The following RGS22 variants were observed in gnomAD, a reference collection of about 807,000 sequenced individuals.
RGS22 encodes the protein regulator of G protein signaling 22.
A neutral mutation model predicts 172.9 loss-of-function variants in RGS22; 148 were observed. That is an observed-to-expected ratio of 0.86 (90% CI 0.75 to 0.98). The LOEUF is 0.98. Ranked by LOEUF, RGS22 falls within the 50% of genes least tolerant of loss-of-function variation. RGS22 has a pLI of 0.00. For synonymous variants in RGS22, 458 were observed against 480.2 expected, an observed-to-expected ratio of 0.95 and a Z score of 0.60; for missense variants, 1,347 against 1,440.8, an observed-to-expected ratio of 0.93 and a Z score of 1.05.
chr8:100,040,033 A>T lies in RGS22; in HGVS notation c.1993T>A (p.Leu665Met), dbSNP rs77926678. Residue 665 changes from leucine to methionine, a missense_variant, in exon 13 of 28, where the codon TTG (leucine) becomes ATG (methionine). Coordinates refer to ENST00000360863, the MANE Select transcript of RGS22 (RefSeq NM_015668.5). ...ALGGSDMENLLQSLYVENRAG... is the reference protein window; with the variant it reads ...ALGGSDMENLMQSLYVENRAG... ...CTATTTTCTACATACAAAGATTGCA[A>T]CAAATTTTCCATGTCAGATCCTCCC... 2.5e-4 allele frequency: 395 copies of T among 1,610,074 alleles called. No individual in the cohort carries two copies. In the African/African-American group the frequency reaches 4.3e-3, roughly 18 times the overall value.
chr8:100,045,888 G>C lies in RGS22; in HGVS notation c.1823+1575C>G, dbSNP rs569035123. On this transcript the variant is annotated intron_variant, in intron 11 of 27. Transcript: ENST00000360863. ...ATATATGAAATAGAGCAATGTATAA[G>C]AATATCCACTATAACATTGTTTGTA... Among the ~76,000 whole-genome samples, 8 of 151,636 alleles carry C rather than the reference G, an allele frequency of 5.3e-5. No homozygotes were observed. The South Asian group carries it at 1.7e-3, about 32-fold the overall frequency.
chr8:100,047,301 G>A (rs963508848), intron 11 of RGS22, among the ~76,000 whole-genome samples, 162 bp downstream of exon 11: 7 of 152,114 alleles, frequency 4.6e-5, no homozygotes, highest in Non-Finnish European at 1.0e-4. Flanking sequence ...TCCTAATTTA[G>A]AGTATTCATG....
At position 99,975,020 on chromosome 8, in the gene RGS22, C is replaced by T. The variant is rs532267137; in HGVS notation, c.3519+2897G>A. 4.8e-4 allele frequency among the ~76,000 whole-genome samples: 73 copies of T among 151,974 alleles called. 3 individuals carry two copies. In the South Asian group the frequency reaches 0.015, roughly 31 times the overall value. On this transcript the variant is annotated intron_variant, in intron 23 of 27. Transcript: ENST00000360863. ...AATTAGCCAGGCGTGGTGGTATGCA[C>T]CTTTAATCCCAGCTACTCAGGAGAT...
intron 20 of RGS22, among the ~76,000 whole-genome samples, chr8:99,994,254 G>A (rs1814100217): frequency 6.6e-6 from 1 of 152,214 alleles, no homozygotes; most frequent in Non-Finnish European, 1.5e-5. Context: ...AGTGTTGGAA[G>A]TTCTGACCAG....
intron 23 of RGS22, 89 bp downstream of exon 23, chr8:99,977,828 A>T: frequency 8.9e-7 from 1 of 1,124,250 alleles, no homozygotes; most frequent in Non-Finnish European, 1.3e-6. Flanking sequence ...ACTTCTCTCT[A>T]TATATCCCCA....
intron 11 of RGS22, among the ~76,000 whole-genome samples, chr8:100,043,040 C>A (rs1356784860): frequency 6.6e-6 from 1 of 152,160 alleles, no homozygotes. Context: ...AGGGAAAGGC[C>A]AAGAGCCTCA....
chr8:100,063,841 GA>G lies in RGS22; in HGVS notation c.926del (p.Phe309SerfsTer8), dbSNP rs755218591. The G allele has an allele frequency of 6.2e-7, 1 of 1,610,306 alleles. No individual in the cohort carries two copies. Among genetic ancestry groups the G allele is most frequent in the South Asian group, 1.1e-5 (1 of 89,880 alleles). On this transcript the variant is annotated frameshift_variant, in exon 8 of 28. Transcript: ENST00000360863. LOFTEE classifies it high-confidence loss of function. ...AGCTTAAAAATTCTTCACATGTTGA[GA>G]AATGCATTGTCAGGCTTTCATCAAC... ...QDVDESLTMH[F>X]STCEEFLSSY...
chr8:100,066,595 A>G (rs1048758699), intron 6 of RGS22, among the ~76,000 whole-genome samples: 2 of 152,096 alleles, frequency 1.3e-5, no homozygotes, highest in Admixed American at 6.5e-5. Flanking sequence ...ATGAAACCCT[A>G]CTTCCTGGAT....
At position 100,014,235 on chromosome 8, in the gene RGS22, A is replaced by C. The variant is rs191243415; in HGVS notation, c.2167-5666T>G. On this transcript the variant is annotated intron_variant, in intron 14 of 27. Transcript: ENST00000360863. ...CGACCATGTTCCTCCAGAGCCTGTA[A>C]CACCAATTATTTTCTTAGTGCCTTG... Among the ~76,000 whole-genome samples the C allele has an allele frequency of 3.8e-4, 58 of 152,330 alleles. No homozygotes were observed. In the East Asian group the frequency reaches 9.4e-3, roughly 25 times the overall value.
At chr8:100,051,457 TA>T (rs1563668906) in intron 10 of RGS22, among the ~76,000 whole-genome samples, 3 of 107,616 alleles carry the variant, frequency 2.8e-5, no homozygotes, top group African/African-American at 1.1e-4. Flanking sequence ...TATATTATAT[TA>T]TATATAAATA....
chr8:100,068,887 A>T (rs2131828541), intron 6 of RGS22, among the ~76,000 whole-genome samples: 1 of 151,368 alleles, frequency 6.6e-6, no homozygotes, highest in South Asian at 2.1e-4. Flanking sequence ...GTGAGCTGAG[A>T]TTGTACCACT....
intron 4 of RGS22, among the ~76,000 whole-genome samples, chr8:100,075,685 C>T (rs923707966): frequency 3.9e-5 from 6 of 152,146 alleles, no homozygotes; most frequent in African/African-American, 1.4e-4. Context: ...CTGCTATGAA[C>T]ATTTGTATAT....
At chr8:100,099,838 C>T (rs1732317172) in intron 2 of RGS22, among the ~76,000 whole-genome samples, 1 of 152,168 alleles carries the variant, frequency 6.6e-6, no homozygotes, top group African/African-American at 2.4e-5. Context: ...CTTAAAGAAA[C>T]AAGAACAGGA....
chr8:100,072,218 C>T lies in RGS22; in HGVS notation c.352G>A (p.Glu118Lys), dbSNP rs1309705906. ...VNYNIMCLSREEGIKWIKKER... is the reference protein window; with the variant it reads ...VNYNIMCLSRKEGIKWIKKER... Reference sequence around the variant, plus strand: ...TTTTTGATCCACTTAATACCTTCTTCACGACTGAGACACTATGAGAAGAAA... The same window carrying T: ...TTTTTGATCCACTTAATACCTTCTTTACGACTGAGACACTATGAGAAGAAA... The change falls in exon 5 of 28, where the codon GAA becomes AAA. Residue 118 changes from glutamate (E) to lysine (K), a missense_variant. Glu to Lys is a moderately conservative substitution (Grantham distance 56). Transcript: ENST00000360863. 4 of 1,588,498 alleles carry T rather than the reference C, an allele frequency of 2.5e-6. No homozygotes were observed. The South Asian group carries it at 3.4e-5, about 14-fold the overall frequency.
intron 17 of RGS22, among the ~76,000 whole-genome samples, chr8:100,003,517 C>T (rs866284895): frequency 2.8e-4 from 43 of 151,540 alleles, no homozygotes; most frequent in Middle Eastern, 3.4e-3. Context: ...TACAATGTTT[C>T]GTTTATAAAT....
intron 20 of RGS22, among the ~76,000 whole-genome samples, chr8:99,988,474 G>T (rs1341195865): frequency 6.6e-6 from 1 of 152,064 alleles, no homozygotes; most frequent in Non-Finnish European, 1.5e-5. Context: ...TCACTAAATA[G>T]ATTTTAATAT....
chr8:100,032,831 T>A (rs1818984917), intron 14 of RGS22, among the ~76,000 whole-genome samples: 1 of 152,186 alleles, frequency 6.6e-6, no homozygotes, highest in African/African-American at 2.4e-5. Flanking sequence ...CAGACCACAG[T>A]GCAATCAAAT....
intron 14 of RGS22, among the ~76,000 whole-genome samples, chr8:100,023,035 A>C (rs1439255656): frequency 1.3e-5 from 2 of 152,200 alleles, no homozygotes; most frequent in Non-Finnish European, 2.9e-5. Context: ...TGATTATATT[A>C]AAATTTCTGG....
At chr8:100,005,918 A>G (rs1815643023) in intron 16 of RGS22, 99 bp downstream of exon 16, 1 of 750,320 alleles carries the variant, frequency 1.3e-6, no homozygotes, top group African/African-American at 1.8e-5. Flanking sequence ...AACTGCCTAT[A>G]TGATCTCGTC....
Sources: gnomAD v4.1 joint callset for allele counts (sites outside exome capture counted in the v4.1 genomes callset) on GRCh38, gnomAD v4.1.1 for gene constraint, MANE v1.5 for transcripts, NCBI Gene and HGNC (gene_info 2026-07-23, HGNC 2026-07-21) for gene names.